Variants in INHBC observed in about 807,000 individuals in gnomAD.
INHBC encodes the protein inhibin subunit beta C, also known as inhibin beta C chain.
INHBC carries 10 observed loss-of-function variants against 12.4 expected under a neutral mutation model. That is an observed-to-expected ratio of 0.81 (90% CI 0.50 to 1.37). INHBC has a LOEUF of 1.37. Ranked by LOEUF, INHBC falls within the 40% of genes most tolerant of loss-of-function variation. The pLI, the probability that INHBC is intolerant of heterozygous loss-of-function variation, is 0.00. For synonymous variants in INHBC, 147 were observed against 171.6 expected (o/e 0.86, Z 1.12); for missense variants, 382 against 439.4 (o/e 0.87, Z 1.17).
At chr12:57,445,417 G>A (rs1248679565) in intron 1 of INHBC, among the ~76,000 whole-genome samples, 2 of 152,228 alleles carry the variant, frequency 1.3e-5, no homozygotes, top group South Asian at 4.1e-4. Context: ...ATGAGTAGTA[G>A]AGGAAGTGGG....
At chr12:57,437,761 C>T (rs1243673548) in intron 1 of INHBC, among the ~76,000 whole-genome samples, 1 of 138,314 alleles carries the variant, frequency 7.2e-6, no homozygotes, top group Non-Finnish European at 1.6e-5. Flanking sequence ...TTTCTGGCCC[C>T]TCATTCCCTC....
chr12:57,436,181 T>C (rs1327853367), intron 1 of INHBC, among the ~76,000 whole-genome samples: 2 of 140,650 alleles, frequency 1.4e-5, no homozygotes, highest in Non-Finnish European at 3.1e-5. Flanking sequence ...TTTTTTTTTT[T>C]TTTGAAAGAG....
At chr12:57,436,277 AC>A (rs1179814344) in intron 1 of INHBC, among the ~76,000 whole-genome samples, 1 of 141,824 alleles carries the variant, frequency 7.1e-6, no homozygotes, top group Admixed American at 7.4e-5. Context: ...CAGTTCTCCC[AC>A]CTCAGCCTCC....
Position 57,451,286 on chromosome 12 carries a change from G to A in INHBC, c.*1264G>A, listed in dbSNP as rs138078159. 1.4e-4 allele frequency among the ~76,000 whole-genome samples: 22 copies of A among 152,286 alleles called. No homozygotes were observed. The highest frequency in any genetic ancestry group is 4.8e-4 in the African/African-American group (20 of 41,546). ...CAGTAAACTGACCAGCTGTGGGCAC[G>A]CAAGTGTGGGAGGCAGAGGCATGCT... On this transcript the variant is annotated 3_prime_UTR_variant, in exon 2 of 2. Transcript: ENST00000309668.
Position 57,435,177 on chromosome 12 carries a change from A to C in INHBC, c.291A>C (p.Glu97Asp). 6.2e-7 allele frequency: 1 copy of C among 1,612,518 alleles called. No homozygotes were observed. Among genetic ancestry groups the C allele is most frequent in the Non-Finnish European group, 8.5e-7 (1 of 1,178,744 alleles). ...AGGACAACAGGGAACAGGAATGTGAAATCATCAGCTTTGCTGAGACAGGTG... is the reference window on the plus strand; with the variant it reads ...AGGACAACAGGGAACAGGAATGTGACATCATCAGCTTTGCTGAGACAGGTG... ...LLEDNREQEC[E>D]IISFAETGLS... The change falls in exon 1 of 2, where the codon GAA (glutamate) becomes GAC (aspartate). Residue 97 changes from glutamate (E) to aspartate (D), a missense_variant. Transcript: ENST00000309668.
intron 1 of INHBC, 79 bp from the exon 2 acceptor site, chr12:57,449,198 A>G (rs1335795883): frequency 1.7e-5 from 25 of 1,508,782 alleles, no homozygotes; most frequent in Non-Finnish European, 2.0e-5. Flanking sequence ...AGACAACTCA[A>G]GAATGCTGAG....
At position 57,449,281 on chromosome 12, in the gene INHBC, C is replaced by G; in HGVS notation, c.318C>G (p.Leu106=). The G allele has an allele frequency of 9.3e-6, 15 of 1,612,398 alleles. No individual in the cohort carries two copies. Among genetic ancestry groups the G allele is most frequent in the Non-Finnish European group, 1.3e-5 (15 of 1,179,012 alleles). Residue 106 remains leucine (L), a synonymous_variant, in exon 2 of 2, where the codon CTC becomes CTG. Transcript: ENST00000309668. The part of the protein sequence containing the change: ...CEIISFAETG[L]STINQTRLDF... The stretch of plus-strand genomic sequence containing the variant: ...TGGGGCTTCTTATGTCCACAGGCCT[C>G]TCCACCATCAACCAGACTCGTCTTG...
chr12:57,450,591 T>G lies in INHBC; in HGVS notation c.*569T>G, dbSNP rs1870691768. ...GTGAACTACTAAAGCTCTCTTTGCA[T>G]ACCTTCATCCATTTTTTGTCCTTCT... On this transcript the variant is annotated 3_prime_UTR_variant, in exon 2 of 2. Transcript: ENST00000309668. The G allele has an allele frequency of 6.6e-6, 1 of 152,334 alleles. No homozygotes were observed. Among genetic ancestry groups the G allele is most frequent in the Non-Finnish European group, 1.5e-5 (1 of 68,112 alleles). The allele number at this position is 152,334 out of a possible 1,614,324, so 9.4% of individuals were successfully genotyped here. A position where few individuals can be genotyped will look rare whatever the true frequency, so the allele number is the denominator to read the frequency against.
chr12:57,443,471 A>G (rs1870511882), intron 1 of INHBC, among the ~76,000 whole-genome samples: 2 of 151,780 alleles, frequency 1.3e-5, no homozygotes, highest in South Asian at 4.2e-4. Context: ...TTTAGTAGAG[A>G]TGGGGTTTCT....
At chr12:57,440,259 G>A (rs770913576) in intron 1 of INHBC, among the ~76,000 whole-genome samples, 6 of 151,460 alleles carry the variant, frequency 4.0e-5, no homozygotes, top group South Asian at 2.1e-4. Context: ...TAGAGTAAGC[G>A]GTTCTATTTT....
chr12:57,444,764 G>C (rs891246281), intron 1 of INHBC, among the ~76,000 whole-genome samples: 15 of 151,878 alleles, frequency 9.9e-5, no homozygotes, highest in African/African-American at 3.6e-4. Context: ...TTGCAGCTTT[G>C]ACCTCCTGGG....
chr12:57,451,798 T>C lies in INHBC; in HGVS notation c.*1776T>C, dbSNP rs1298707713. ...AGGAGACCTTCATCTAAGGAGAATC[T>C]AAGGAGGCCTTCTGGTGTCTCCCCC... On this transcript the variant is annotated 3_prime_UTR_variant, in exon 2 of 2. Coordinates refer to ENST00000309668, the MANE Select transcript of INHBC (RefSeq NM_005538.4). 2.2e-6 allele frequency: 1 copy of C among 452,398 alleles called. No homozygotes were observed. The highest frequency in any genetic ancestry group is 7.0e-5 in the East Asian group (1 of 14,356). 28.0% of individuals were successfully genotyped at this position (452,398 alleles called of 1,614,324 possible). A position where few individuals can be genotyped will look rare whatever the true frequency, so the allele number is the denominator to read the frequency against.
chr12:57,446,174 G>A (rs1254023239), intron 1 of INHBC, among the ~76,000 whole-genome samples: 1 of 151,972 alleles, frequency 6.6e-6, no homozygotes, highest in East Asian at 1.9e-4. Flanking sequence ...GACCTCAACT[G>A]ATCCACCTGC....
chr12:57,440,774 G>A (rs1594727064), intron 1 of INHBC, among the ~76,000 whole-genome samples: 1 of 152,278 alleles, frequency 6.6e-6, no homozygotes, highest in South Asian at 2.1e-4. Flanking sequence ...TGGCTTCTAA[G>A]TTACCACAGG....
chr12:57,435,615 G>A (rs1870318421), intron 1 of INHBC, among the ~76,000 whole-genome samples: 1 of 152,026 alleles, frequency 6.6e-6, no homozygotes, highest in African/African-American at 2.4e-5. Flanking sequence ...TGCCTCATTT[G>A]AGTAAAAGAA....
chr12:57,449,186 A>G, intron 1 of INHBC, 91 bp from the exon 2 acceptor site: 1 of 1,472,278 alleles, frequency 6.8e-7, no homozygotes, highest in Non-Finnish European at 9.2e-7. Context: ...GCCAAGTGCT[A>G]TAGACAACTC....
intron 1 of INHBC, among the ~76,000 whole-genome samples, chr12:57,438,940 T>C (rs1870403392): frequency 6.6e-6 from 1 of 152,188 alleles, no homozygotes; most frequent in African/African-American, 2.4e-5. Flanking sequence ...CCTTCAGTGA[T>C]GTCCTAGCGC....
intron 1 of INHBC, among the ~76,000 whole-genome samples, chr12:57,438,235 G>A (rs1870388933): frequency 6.6e-6 from 1 of 152,158 alleles, no homozygotes; most frequent in African/African-American, 2.4e-5. Flanking sequence ...ATAATTAAAT[G>A]GGCTAATACA....
chr12:57,449,389 C>T lies in INHBC; in HGVS notation c.426C>T (p.Ser142=), dbSNP rs549891063. 1.2e-6 allele frequency: 2 copies of T among 1,614,186 alleles called. No individual in the cohort carries two copies. Among genetic ancestry groups the T allele is most frequent in the Admixed American group, 1.7e-5 (1 of 60,022 alleles). Residue 142 remains serine (S), a synonymous_variant, in exon 2 of 2, where the codon TCC becomes TCT. Transcript: ENST00000309668. ...TCATGTTCTTTGTGCAGCTCCCTTC[C>T]AATACCACTTGGACCTTGAAAGTGA... ...ASLMFFVQLP[S]NTTWTLKVRV...
Sources: gnomAD v4.1 joint callset for allele counts (sites outside exome capture counted in the v4.1 genomes callset) on GRCh38, gnomAD v4.1.1 for gene constraint, MANE v1.5 for transcripts, NCBI Gene and HGNC (gene_info 2026-07-23, HGNC 2026-07-21) for gene names.